The following DGKI variants were observed in gnomAD, a reference collection of about 807,000 sequenced individuals.
DGKI encodes DAG kinase iota.
In DGKI, 55 loss-of-function variants were observed where a neutral mutation model predicts 147.5. That is an observed-to-expected ratio of 0.37 (90% CI 0.30 to 0.47). The LOEUF (loss-of-function observed/expected upper bound fraction) is 0.47, where lower values mean the gene tolerates loss of function less well. DGKI is among the 20% of genes least tolerant of loss of function. DGKI has a pLI of 1.00. For missense variants in DGKI, 1,007 were observed against 1,323.8 expected, an observed-to-expected ratio of 0.76 and a Z score of 3.71; for synonymous variants, 469 against 477.1, an observed-to-expected ratio of 0.98 and a Z score of 0.22.
chr7:137,472,212 T>C (rs1256259580), intron 23 of DGKI, among the ~76,000 whole-genome samples: 2 of 98,536 alleles, frequency 2.0e-5, no homozygotes, highest in Non-Finnish European at 3.7e-5. Flanking sequence ...TACATACACA[T>C]ATATATGTAT....
chr7:137,601,880 T>A (rs1820002540), intron 10 of DGKI, among the ~76,000 whole-genome samples: 1 of 152,236 alleles, frequency 6.6e-6, no homozygotes, highest in Admixed American at 6.5e-5. Context: ...TGCCTTATCA[T>A]GTGCTTGCTA....
At chr7:137,563,081 T>C (rs1694962457) in intron 19 of DGKI, among the ~76,000 whole-genome samples, 1 of 152,098 alleles carries the variant, frequency 6.6e-6, no homozygotes, top group African/African-American at 2.4e-5. Flanking sequence ...GAGGGGCTTA[T>C]CCTAGAAATG....
chr7:137,664,270 C>T (rs1028560834), intron 3 of DGKI, among the ~76,000 whole-genome samples: 6 of 150,508 alleles, frequency 4.0e-5, no homozygotes, highest in African/African-American at 1.2e-4. Context: ...CCCAGCTACC[C>T]GGGAGGCTGA....
In DGKI at chr7:137,581,715, T is replaced by A. The variant is rs1310313416; in HGVS notation, c.1642+135A>T. 3 of 695,180 alleles carry A rather than the reference T, an allele frequency of 4.3e-6. No homozygotes were observed. In the East Asian group the frequency reaches 7.8e-5, roughly 18 times the overall value. 43.1% of individuals were successfully genotyped at this position (695,180 alleles called of 1,614,324 possible). On this transcript the variant is annotated intron_variant, in intron 15 of 32. Coordinates refer to ENST00000614521, the MANE Select transcript of DGKI (RefSeq NM_001321708.2). ...TTCCTGTCCTGTCTAGCTCCCAGAG[T>A]CATCCTGAAGGTTAAAATGAAACAA...
At position 137,431,248 on chromosome 7, in the gene DGKI, C is replaced by CT. The variant is rs5887839; in HGVS notation, c.2761+12828dup. ...ACTTTCTTGCAATCTTATAAAATACCTTTTTTTTTTTTTTCTCAATGGCTG... is the reference window on the plus strand; with the variant it reads ...ACTTTCTTGCAATCTTATAAAATACCTTTTTTTTTTTTTTTCTCAATGGCTG... On this transcript the variant is annotated intron_variant, in intron 28 of 32. Transcript: ENST00000614521. Among the ~76,000 whole-genome samples the CT allele has an allele frequency of 1.1e-3, 157 of 146,008 alleles. 1 individual carries two copies. The highest frequency in any genetic ancestry group is 1.6e-3 in the African/African-American group (64 of 39,668).
intron 7 of DGKI, among the ~76,000 whole-genome samples, chr7:137,621,587 G>A (rs1453535049): frequency 6.6e-6 from 1 of 152,184 alleles, no homozygotes; most frequent in African/African-American, 2.4e-5. Flanking sequence ...GCTGTAATTT[G>A]TGTTCAAATC....
At chr7:137,779,704 T>G (rs1293324576) in intron 1 of DGKI, among the ~76,000 whole-genome samples, 1 of 152,158 alleles carries the variant, frequency 6.6e-6, no homozygotes, top group Non-Finnish European at 1.5e-5. Context: ...CTGTTACAGC[T>G]GCACAAAACA....
chr7:137,638,619 C>CATATATGTATATATGTGTATATAT (rs1486193040), intron 6 of DGKI, among the ~76,000 whole-genome samples: 1 of 20,070 alleles, frequency 5.0e-5, no homozygotes, highest in Admixed American at 7.6e-4. Flanking sequence ...TATACACACA[C>CATATATGTATATATGTGTATATAT]ACATATATAT....
chr7:137,818,590 C>T (rs555014373), intron 1 of DGKI, among the ~76,000 whole-genome samples: 17 of 152,136 alleles, frequency 1.1e-4, no homozygotes, highest in Non-Finnish European at 1.6e-4. Context: ...TATAGGCATG[C>T]GCCACCATGC....
chr7:137,605,121 A>G (rs1343400690), intron 10 of DGKI, among the ~76,000 whole-genome samples: 1 of 152,038 alleles, frequency 6.6e-6, no homozygotes, highest in Non-Finnish European at 1.5e-5. Flanking sequence ...CAGCCTGGCC[A>G]ACATAGTGAA....
chr7:137,742,886 C>G (rs778005329), intron 1 of DGKI, among the ~76,000 whole-genome samples: 1 of 152,056 alleles, frequency 6.6e-6, no homozygotes, highest in Non-Finnish European at 1.5e-5. Flanking sequence ...TTATTACAGT[C>G]AAAGCATCTA....
intron 21 of DGKI, among the ~76,000 whole-genome samples, chr7:137,505,484 G>T (rs1452469477): frequency 6.6e-6 from 1 of 152,124 alleles, no homozygotes; most frequent in African/African-American, 2.4e-5. Flanking sequence ...GATACAAATT[G>T]TGAGTGAATA....
rs568498173 is a variant in DGKI, at chr7:137,739,359, T to C, written c.402-49357A>G. 1.6e-4 allele frequency among the ~76,000 whole-genome samples: 25 copies of C among 152,244 alleles called. 1 individual carries two copies. In the South Asian group the frequency reaches 1.7e-3, roughly 10 times the overall value. ...ATCTCCCTGGGTCTCATTTTCCTCATCTCTAAAATGAAAAGACGGGCAAAA... is the reference window on the plus strand; with the variant it reads ...ATCTCCCTGGGTCTCATTTTCCTCACCTCTAAAATGAAAAGACGGGCAAAA... On this transcript the variant is annotated intron_variant, in intron 1 of 32. Transcript: ENST00000614521.
At chr7:137,626,514 T>TA (rs1820946418) in intron 6 of DGKI, among the ~76,000 whole-genome samples, 1 of 152,146 alleles carries the variant, frequency 6.6e-6, no homozygotes, top group African/African-American at 2.4e-5. Context: ...GGGTGAGGTA[T>TA]GCAGGTATTT....
Position 137,630,985 on chromosome 7 carries a change from GT to G in DGKI, c.805-7432del, listed in dbSNP as rs141900290. Among the ~76,000 whole-genome samples, 537 of 151,464 alleles carry G rather than the reference GT, an allele frequency of 3.5e-3. 3 individuals carry two copies. Among genetic ancestry groups the G allele is most frequent in the African/African-American group, 0.012 (500 of 41,280 alleles). ...ATGCTAATAATATTCACAAAGCAGG[GT>G]TTTTTTTGAAAAAAAGACTAGTTAA... On this transcript the variant is annotated intron_variant, in intron 6 of 32. Transcript: ENST00000614521.
At chr7:137,840,159 A>G (rs1414618564) in intron 1 of DGKI, among the ~76,000 whole-genome samples, 1 of 152,250 alleles carries the variant, frequency 6.6e-6, no homozygotes, top group East Asian at 1.9e-4. Flanking sequence ...AGTGCTCTGT[A>G]TGGTACATGA....
At chr7:137,410,229 C>A (rs1450551219) in intron 29 of DGKI, among the ~76,000 whole-genome samples, 1 of 152,060 alleles carries the variant, frequency 6.6e-6, no homozygotes, top group Non-Finnish European at 1.5e-5. Context: ...CACGGTGAAA[C>A]CCCGTCTCAA....
At chr7:137,647,635 T>TTG (rs1821876351) in intron 5 of DGKI, among the ~76,000 whole-genome samples, 1 of 152,196 alleles carries the variant, frequency 6.6e-6, no homozygotes, top group African/African-American at 2.4e-5. Flanking sequence ...CAGTTATCAG[T>TTG]ATCTATCCCA....
chr7:137,709,952 C>A (rs1794165757), intron 1 of DGKI, among the ~76,000 whole-genome samples: 2 of 151,442 alleles, frequency 1.3e-5, no homozygotes, highest in Non-Finnish European at 1.5e-5. Flanking sequence ...GTTATAATAG[C>A]AGACAGAAAC....
Sources: allele counts gnomAD v4.1 joint callset (sites outside exome capture counted in the v4.1 genomes callset), GRCh38; gene constraint gnomAD v4.1.1; transcripts MANE v1.5; gene names NCBI Gene and HGNC (gene_info 2026-07-23, HGNC 2026-07-21).